MAT1A: variants seen among roughly 807,000 people sequenced by gnomAD.
MAT1A encodes the protein S-adenosylmethionine synthase isoform type-1.
MAT1A carries 19 observed loss-of-function variants against 44.0 expected under a neutral mutation model. That is an observed-to-expected ratio of 0.43 (90% CI 0.30 to 0.63). The LOEUF (loss-of-function observed/expected upper bound fraction) is 0.63. Ranked by LOEUF, MAT1A falls within the 30% of genes least tolerant of loss-of-function variation. MAT1A has a pLI of 0.12. For synonymous variants in MAT1A, 205 were observed against 205.6 expected (o/e 1.00, Z 0.03); for missense variants, 397 against 531.0 (o/e 0.75, Z 2.48).
chr10:80,289,285 TAGGCTTGGA>T, intron 1 of MAT1A, 39 bp downstream of exon 1: 1 of 1,474,362 alleles, frequency 6.8e-7, no homozygotes. Flanking sequence ...TCCCTCAGTA[TAGGCTTGGA>T]ATGATCGTTT....
chr10:80,278,587 G>A (rs1841520533), intron 5 of MAT1A, among the ~76,000 whole-genome samples: 1 of 152,222 alleles, frequency 6.6e-6, no homozygotes, highest in African/African-American at 2.4e-5. Context: ...AACACCCAAG[G>A]AATGCTGATG....
At chr10:80,276,958 C>T (rs1841497094) in intron 5 of MAT1A, among the ~76,000 whole-genome samples, 1 of 152,186 alleles carries the variant, frequency 6.6e-6, no homozygotes, top group Admixed American at 6.5e-5. Flanking sequence ...CCTCTATAGC[C>T]CAGGAGGTAT....
At position 80,273,058 on chromosome 10, in the gene MAT1A, G is replaced by A. The variant is rs955799919; in HGVS notation, c.*723C>T. 2 of 152,374 alleles carry A rather than the reference G, an allele frequency of 1.3e-5. No homozygotes were observed. The highest frequency in any genetic ancestry group is 4.8e-5 in the African/African-American group (2 of 41,368). 9.4% of individuals were successfully genotyped at this position (152,374 alleles called of 1,614,324 possible). On this transcript the variant is annotated 3_prime_UTR_variant, in exon 9 of 9. Coordinates refer to ENST00000372213, the MANE Select transcript of MAT1A (RefSeq NM_000429.3). ...GGCATGAGACAACGGTGGGGGAGGG[G>A]GTATGTCACAGGCTCCTGAGTCAAA...
intron 3 of MAT1A, 67 bp downstream of exon 3, chr10:80,283,849 G>T: frequency 6.2e-7 from 1 of 1,611,032 alleles, no homozygotes; most frequent in South Asian, 1.1e-5. Context: ...GCACGGGTTT[G>T]ACTCAGCACT....
chr10:80,287,478 A>G (rs1841663578), intron 1 of MAT1A, among the ~76,000 whole-genome samples: 1 of 152,218 alleles, frequency 6.6e-6, no homozygotes, highest in Non-Finnish European at 1.5e-5. Flanking sequence ...GGACAATTAC[A>G]ATGGCAAGTA....
chr10:80,289,332 C>A lies in MAT1A; in HGVS notation c.91+1G>T. The A allele has an allele frequency of 6.2e-7, 1 of 1,613,586 alleles. No individual in the cohort carries two copies. Reference sequence around the variant, plus strand: ...CAGTCAGTCCAAGACAGCCTACTTACCCGGGTGTCCCTCTCCCACAGACTC... The same window carrying A: ...CAGTCAGTCCAAGACAGCCTACTTAACCGGGTGTCCCTCTCCCACAGACTC... On this transcript the variant is annotated splice_donor_variant, in intron 1 of 8. Coordinates refer to ENST00000372213, the MANE Select transcript of MAT1A (RefSeq NM_000429.3). LOFTEE classifies it high-confidence loss of function.
In MAT1A at chr10:80,283,922, C is replaced by T; in HGVS notation, c.286G>A (p.Ala96Thr). 2 of 1,614,148 alleles carry T rather than the reference C, an allele frequency of 1.2e-6. No homozygotes were observed. Among genetic ancestry groups the T allele is most frequent in the South Asian group, 2.2e-5 (2 of 91,084 alleles). ...TIKHIGYDDS[A>T]KGFDFKTCNV... ...CCCGGAGGCCTGCCCTCACCCTTGG[C>T]TGAGTCATCGTAGCCGATGTGCTTG... is the stretch of plus-strand genomic sequence containing the variant. The change falls in exon 3 of 9, where the codon GCC (alanine) becomes ACC (threonine). Residue 96 changes from alanine (A) to threonine (T), a missense_variant. By Grantham distance (58) the Ala-to-Thr change is moderately conservative. Transcript: ENST00000372213.
At chr10:80,274,918 C>A in intron 7 of MAT1A, 99 bp downstream of exon 7, 1 of 1,425,652 alleles carries the variant, frequency 7.0e-7, no homozygotes, top group South Asian at 1.2e-5. Context: ...TTTGGCAAAG[C>A]ATGCAGCTTT....
At position 80,280,072 on chromosome 10, in the gene MAT1A, T is replaced by C. The variant is rs1391935521; in HGVS notation, c.549+101A>G. ...CTGACCATTCTTTGAATGCCCAGATTGAATATTTCGATCTTAAAAATGACA... is the reference window on the plus strand; with the variant it reads ...CTGACCATTCTTTGAATGCCCAGATCGAATATTTCGATCTTAAAAATGACA... On this transcript the variant is annotated intron_variant, in intron 5 of 8. Transcript: ENST00000372213. 2.9e-6 allele frequency: 4 copies of C among 1,395,788 alleles called. No individual in the cohort carries two copies. The African/African-American group carries it at 4.3e-5, about 15-fold the overall frequency. The allele number at this position is 1,395,788 out of a possible 1,614,324, so 86.5% of individuals were successfully genotyped here.
chr10:80,286,195 T>TA (rs1294006547), intron 1 of MAT1A, among the ~76,000 whole-genome samples: 1 of 152,062 alleles, frequency 6.6e-6, no homozygotes, highest in Non-Finnish European at 1.5e-5. Context: ...TTCTTCTAAA[T>TA]AAAAAATCTC....
At chr10:80,275,948 G>C (rs1400581525) in intron 6 of MAT1A, among the ~76,000 whole-genome samples, 1 of 152,186 alleles carries the variant, frequency 6.6e-6, no homozygotes, top group Non-Finnish European at 1.5e-5. Flanking sequence ...AAAACACCCT[G>C]TCCCACTCTG....
intron 8 of MAT1A, 118 bp downstream of exon 8, chr10:80,274,402 G>T: frequency 7.0e-7 from 1 of 1,424,294 alleles, no homozygotes; most frequent in Non-Finnish European, 9.8e-7. Context: ...AGAGCTCACA[G>T]ACCCTCCCAC....
chr10:80,289,488 G>GTTTT lies in MAT1A; in HGVS notation c.-69_-66dup. 30 of 1,103,930 alleles carry GTTTT rather than the reference G, an allele frequency of 2.7e-5. No individual in the cohort carries two copies. Among genetic ancestry groups the GTTTT allele is most frequent in the Non-Finnish European group, 3.7e-5 (28 of 751,372 alleles). 68.4% of individuals were successfully genotyped at this position (1,103,930 alleles called of 1,614,324 possible). On this transcript the variant is annotated 5_prime_UTR_variant, in exon 1 of 9. Transcript: ENST00000372213. ...ATTTTGAGGCTGTGACTTTGCCTGA[G>GTTTT]TTTTTTTTTCTTCTTCTTCTTCTTC...
chr10:80,288,308 T>C (rs1841675865), intron 1 of MAT1A, among the ~76,000 whole-genome samples: 1 of 152,222 alleles, frequency 6.6e-6, no homozygotes, highest in Admixed American at 6.5e-5. Context: ...CAGCATCTCC[T>C]GGGAACTTGT....
intron 5 of MAT1A, among the ~76,000 whole-genome samples, chr10:80,278,934 G>A (rs1841524429): frequency 6.6e-6 from 1 of 152,236 alleles, no homozygotes; most frequent in Non-Finnish European, 1.5e-5. Context: ...AGACCAGAGA[G>A]GGAGCTCAGG....
rs116528173 is a variant in MAT1A at position 80,276,432 on chromosome 10, C to T, written c.712G>A (p.Glu238Lys). 3.2e-4 allele frequency: 521 copies of T among 1,614,150 alleles called. 2 individuals are homozygous for T. In the East Asian group the frequency reaches 0.01, roughly 31 times the overall value. Residue 238 changes from glutamate (E) to lysine (K), a missense_variant, in exon 6 of 9, where the codon GAA (glutamate) becomes AAA (lysine). Glu to Lys is a moderately conservative substitution (Grantham distance 56). Coordinates refer to ENST00000372213, the MANE Select transcript of MAT1A (RefSeq NM_000429.3). ...GGCTGCAGGTGGTAGACGGTGTCTT[C>T]GTCCAGGTACTTGGCCGGCACCACG... ...RAVVPAKYLD[E>K]DTVYHLQPSG... is the part of the protein sequence containing the mutation.
At position 80,275,201 on chromosome 10, in the gene MAT1A, T is replaced by A. The variant is rs1415064488; in HGVS notation, c.769-2A>T. 1.9e-6 allele frequency: 3 copies of A among 1,611,632 alleles called. No individual in the cohort carries two copies. On this transcript the variant is annotated splice_acceptor_variant, in intron 6 of 8. Transcript: ENST00000372213. LOFTEE classifies it high-confidence loss of function. ...ACGGCCAGTGACACCCGCATCCCCC[T>A]GCAGAGGGAGAGAAATCAAGATAAG...
chr10:80,276,267 G>A, intron 6 of MAT1A, 109 bp downstream of exon 6: 2 of 1,104,720 alleles, frequency 1.8e-6, no homozygotes, highest in Non-Finnish European at 2.7e-6. Flanking sequence ...TCCATGGCCA[G>A]AGTCAGCTGA....
chr10:80,288,148 G>A (rs1252046718), intron 1 of MAT1A, among the ~76,000 whole-genome samples: 1 of 152,168 alleles, frequency 6.6e-6, no homozygotes, highest in Non-Finnish European at 1.5e-5. Flanking sequence ...TATCTTTGAG[G>A]AAGAACAAGA....
Sources: allele counts gnomAD v4.1 joint callset (sites outside exome capture counted in the v4.1 genomes callset), GRCh38; gene constraint gnomAD v4.1.1; transcripts MANE v1.5; gene names NCBI Gene and HGNC (gene_info 2026-07-23, HGNC 2026-07-21).